SYNE1: variants seen among roughly 807,000 people sequenced by gnomAD.
The protein encoded by SYNE1 is spectrin repeat containing nuclear envelope protein 1.
Under a neutral mutation model 1,111.0 loss-of-function variants are expected in SYNE1, and 616 were observed. That is an observed-to-expected ratio of 0.55 (90% CI 0.52 to 0.59). The LOEUF (loss-of-function observed/expected upper bound fraction) is 0.59. SYNE1 is among the 20% of genes least tolerant of loss of function. The pLI, the probability that SYNE1 is intolerant of heterozygous loss-of-function variation, is 0.00. For missense variants in SYNE1, 10,006 were observed against 10,417.0 expected (o/e 0.96, Z 1.72); for synonymous variants, 3,855 against 3,825.8 (o/e 1.01, Z -0.28).
intron 98 of SYNE1, among the ~76,000 whole-genome samples, chr6:152,272,609 C>T (rs2093295907): frequency 6.6e-6 from 1 of 152,190 alleles, no homozygotes. Context: ...CCCTTAAGAT[C>T]TTCACATAGA....
At chr6:152,152,450 A>T (rs977896765) in intron 133 of SYNE1, among the ~76,000 whole-genome samples, 9 of 152,154 alleles carry the variant, frequency 5.9e-5, no homozygotes, top group African/African-American at 2.2e-4. Flanking sequence ...CGTAGCTTTA[A>T]AAATAATTAA....
chr6:152,635,008 T>C (rs1267528064), intron 2 of SYNE1, among the ~76,000 whole-genome samples: 3 of 152,230 alleles, frequency 2.0e-5, no homozygotes, highest in Non-Finnish European at 4.4e-5. Context: ...TGCCCAGTTA[T>C]GGGCTTCCTA....
chr6:152,230,496 A>G lies in SYNE1; in HGVS notation c.21195+51T>C, dbSNP rs370534165. On this transcript the variant is annotated intron_variant, in intron 115 of 145. Coordinates refer to ENST00000367255, the MANE Select transcript of SYNE1 (RefSeq NM_182961.4). ...TCTCAAGGCCTATAAACATATTAGC[A>G]TACGCTATGAAATTGTGAGATGGTG... 3.0e-4 allele frequency: 476 copies of G among 1,568,092 alleles called. 4 individuals carry two copies. The highest frequency in any genetic ancestry group is 2.2e-4 in the Admixed American group (13 of 59,948).
chr6:152,333,192 A>ATG (rs759881281), intron 77 of SYNE1, among the ~76,000 whole-genome samples: 4 of 152,090 alleles, frequency 2.6e-5, no homozygotes, highest in East Asian at 1.9e-4. Context: ...ATGATCCAGT[A>ATG]TGTGTGTGTG....
intron 139 of SYNE1, among the ~76,000 whole-genome samples, chr6:152,140,716 G>A (rs1386519766): frequency 2.6e-5 from 4 of 152,098 alleles, no homozygotes; most frequent in Admixed American, 2.6e-4. Context: ...TACCATGATG[G>A]CATGCATCAT....
chr6:152,255,455 C>T (rs1011596997), intron 103 of SYNE1, 136 bp downstream of exon 103: 15 of 1,048,786 alleles, frequency 1.4e-5, no homozygotes, highest in East Asian at 2.4e-5. Flanking sequence ...AAATATTCTG[C>T]ATTTAAGCAA....
In SYNE1 at chr6:152,143,246, G is replaced by A. The variant is rs561263711; in HGVS notation, c.25119+377C>T. ...AAAAGAACTACCAAAAAAACTGCATGTTAGTAATCTATTAGCTAAAATCTG... is the reference window on the plus strand; with the variant it reads ...AAAAGAACTACCAAAAAAACTGCATATTAGTAATCTATTAGCTAAAATCTG... On this transcript the variant is annotated intron_variant, in intron 138 of 145. Transcript: ENST00000367255. Among the ~76,000 whole-genome samples, 41 of 152,288 alleles carry A rather than the reference G, an allele frequency of 2.7e-4. 1 individual carries two copies. In the South Asian group the frequency reaches 8.5e-3, roughly 32 times the overall value.
chr6:152,462,930 T>A, intron 19 of SYNE1, 40 bp from the exon 20 acceptor site: 1 of 1,612,208 alleles, frequency 6.2e-7, no homozygotes, highest in South Asian at 1.1e-5. Flanking sequence ...TGAAAGCCAT[T>A]TAGCTGCGAC....
At chr6:152,470,174 G>A (rs2098797492) in intron 16 of SYNE1, among the ~76,000 whole-genome samples, 1 of 152,084 alleles carries the variant, frequency 6.6e-6, no homozygotes, top group Non-Finnish European at 1.5e-5. Flanking sequence ...GAGTACTAAC[G>A]TTTTTATCAT....
intron 3 of SYNE1, among the ~76,000 whole-genome samples, chr6:152,575,137 C>A (rs558891903): frequency 6.6e-6 from 1 of 152,084 alleles, no homozygotes; most frequent in Admixed American, 6.5e-5. Context: ...TCTCTAACTC[C>A]GGTGGTATAG....
rs146288148 is a variant in SYNE1, at chr6:152,385,689, C to T, written c.8637G>A (p.Lys2879=). Residue 2879 remains lysine, a synonymous_variant, in exon 55 of 146, where the codon AAG becomes AAA. Coordinates refer to ENST00000367255, the MANE Select transcript of SYNE1 (RefSeq NM_182961.4). ...ATTTCCTGACCTTAATTTTTGATAACTTTTTCTGGGTGGCTGATGAATCTC... is the reference window on the plus strand; with the variant it reads ...ATTTCCTGACCTTAATTTTTGATAATTTTTTCTGGGTGGCTGATGAATCTC... ...MSGDSSATQK[K]LSKIKELIDS... is the part of the protein sequence containing the mutation. The T allele has an allele frequency of 3.1e-6, 5 of 1,613,948 alleles. No homozygotes were observed. Among genetic ancestry groups the T allele is most frequent in the Non-Finnish European group, 4.2e-6 (5 of 1,179,990 alleles).
At chr6:152,216,268 C>T (rs956443358) in intron 121 of SYNE1, among the ~76,000 whole-genome samples, 1 of 152,166 alleles carries the variant, frequency 6.6e-6, no homozygotes, top group Admixed American at 6.5e-5. Flanking sequence ...CAGTCCTTCC[C>T]CTCGTGGCAC....
rs374238135 is a variant in SYNE1 at position 152,391,475 on chromosome 6, G to A, written c.7806C>T (p.Leu2602=). ...GQEGRLCSQL[L]TSHQNLLRMT... is the part of the protein sequence containing the mutation. ...TTCTAAGTAGGTTCTGGTGGCTTGT[G>A]AGGAGCTGGGAACACAGGCGGCCCT... is the stretch of plus-strand genomic sequence containing the variant. Residue 2602 remains leucine (L), a synonymous_variant, in exon 52 of 146, where the codon CTC becomes CTT. Transcript: ENST00000367255. 1.2e-6 allele frequency: 2 copies of A among 1,613,264 alleles called. No individual in the cohort carries two copies. Among genetic ancestry groups the A allele is most frequent in the Non-Finnish European group, 1.7e-6 (2 of 1,179,896 alleles).
intron 113 of SYNE1, 84 bp from the exon 114 acceptor site, chr6:152,231,651 A>T: frequency 7.3e-7 from 1 of 1,367,894 alleles, no homozygotes; most frequent in Non-Finnish European, 1.0e-6. Context: ...AGTAACCTTA[A>T]TATTAATATT....
intron 73 of SYNE1, among the ~76,000 whole-genome samples, chr6:152,344,475 G>C (rs568496255): frequency 6.6e-6 from 1 of 152,294 alleles, no homozygotes; most frequent in African/African-American, 2.4e-5. Context: ...AAGAGAACAT[G>C]AGCAGGGTAA....
chr6:152,142,445 G>T (rs1219464057), intron 138 of SYNE1, among the ~76,000 whole-genome samples: 1 of 152,166 alleles, frequency 6.6e-6, no homozygotes, highest in African/African-American at 2.4e-5. Context: ...TAAAAAAAAT[G>T]TAAGCAATGT....
intron 80 of SYNE1, among the ~76,000 whole-genome samples, chr6:152,325,509 A>C (rs1480718038): frequency 1.3e-5 from 2 of 152,206 alleles, no homozygotes; most frequent in Non-Finnish European, 2.9e-5. Context: ...TAAGGTGAAT[A>C]TTATTTATTT....
chr6:152,464,155 AT>A (rs2098751111), intron 18 of SYNE1, among the ~76,000 whole-genome samples: 1 of 152,208 alleles, frequency 6.6e-6, no homozygotes, highest in Non-Finnish European at 1.5e-5. Context: ...ACTTAGTACA[AT>A]AACACACTTT....
At chr6:152,367,030 C>T (rs2097093601) in intron 62 of SYNE1, 188 bp downstream of exon 62, 1 of 747,084 alleles carries the variant, frequency 1.3e-6, no homozygotes, top group Admixed American at 2.0e-5. Flanking sequence ...TTTTGGAAAA[C>T]ATCCGGGGTC....
Sources: allele counts gnomAD v4.1 joint callset (sites outside exome capture counted in the v4.1 genomes callset), GRCh38; gene constraint gnomAD v4.1.1; transcripts MANE v1.5; gene names NCBI Gene and HGNC (gene_info 2026-07-23, HGNC 2026-07-21).